ATP10A: variants seen among roughly 807,000 people sequenced by gnomAD.
The protein encoded by ATP10A is ATPase phospholipid transporting 10A (putative).
In ATP10A, 111 loss-of-function variants were observed where a neutral mutation model predicts 147.8. The ratio of observed to expected loss-of-function variants is 0.75; its 90% CI spans 0.64 to 0.88. The LOEUF (loss-of-function observed/expected upper bound fraction) is 0.88. Ranked by LOEUF, ATP10A falls within the 40% of genes least tolerant of loss-of-function variation. The pLI is 0.00. For synonymous variants in ATP10A, 875 were observed against 841.6 expected (o/e 1.04, Z -0.69); for missense variants, 1,927 against 1,959.0 (o/e 0.98, Z 0.31).
intron 1 of ATP10A, among the ~76,000 whole-genome samples, chr15:25,847,948 C>T (rs1893100210): frequency 1.3e-5 from 2 of 151,304 alleles, no homozygotes; most frequent in African/African-American, 2.4e-5. Flanking sequence ...CATTTTTTAA[C>T]GGAAATCATC....
chr15:25,742,848 T>C (rs1596800208), intron 2 of ATP10A, among the ~76,000 whole-genome samples: 1 of 152,344 alleles, frequency 6.6e-6, no homozygotes, highest in East Asian at 1.9e-4. Flanking sequence ...TGTCCCTGCA[T>C]GAAACCCGCC....
intron 1 of ATP10A, among the ~76,000 whole-genome samples, chr15:25,858,337 T>TGCATTA (rs972273510): frequency 3.3e-5 from 5 of 152,032 alleles, no homozygotes; most frequent in African/African-American, 1.2e-4. Context: ...GCTGTCTTGT[T>TGCATTA]GCATTAAGAG....
At position 25,863,187 on chromosome 15, in the gene ATP10A, G is replaced by A. The variant is rs534170745; in HGVS notation, c.-91C>T. On this transcript the variant is annotated 5_prime_UTR_variant, in exon 1 of 21. Transcript: ENST00000555815. ...TCATCACTCGCGGCCCGGGCGCGGC[G>A]GTGCGAGCTCCCCGCCTGCGGGACG... The A allele has an allele frequency of 5.5e-6, 5 of 914,182 alleles. No individual in the cohort carries two copies. The highest frequency in any genetic ancestry group is 3.6e-5 in the African/African-American group (2 of 55,964). The allele number at this position is 914,182 out of a possible 1,614,324, so 56.6% of individuals were successfully genotyped here.
At chr15:25,759,449 G>C (rs1888634091) in intron 2 of ATP10A, among the ~76,000 whole-genome samples, 1 of 152,144 alleles carries the variant, frequency 6.6e-6, no homozygotes, top group Non-Finnish European at 1.5e-5. Context: ...ACACTGATGG[G>C]AGGGAGGAGT....
intron 10 of ATP10A, among the ~76,000 whole-genome samples, chr15:25,712,328 A>C (rs1187223466): frequency 6.6e-6 from 1 of 152,190 alleles, no homozygotes; most frequent in Non-Finnish European, 1.5e-5. Context: ...AGCAAAGACA[A>C]GCCCGGCAAG....
At chr15:25,712,724 G>A (rs777834905) in intron 10 of ATP10A, among the ~76,000 whole-genome samples, 3 of 152,004 alleles carry the variant, frequency 2.0e-5, no homozygotes, top group Non-Finnish European at 4.4e-5. Context: ...ATCTCGCCCC[G>A]CGGTGGTCAT....
At chr15:25,716,563 C>A (rs762615907) in intron 9 of ATP10A, among the ~76,000 whole-genome samples, 167 bp downstream of exon 9, 8 of 152,234 alleles carry the variant, frequency 5.3e-5, no homozygotes, top group Non-Finnish European at 1.2e-4. Flanking sequence ...GAACCACAAG[C>A]ACTGTTTTGC....
chr15:25,773,817 T>TCC (rs1889465796), intron 2 of ATP10A, among the ~76,000 whole-genome samples: 1 of 105,028 alleles, frequency 9.5e-6, no homozygotes. Flanking sequence ...CACCTAAACA[T>TCC]CCACACACAC....
At chr15:25,737,860 G>A (rs1248069527) in intron 2 of ATP10A, among the ~76,000 whole-genome samples, 2 of 152,046 alleles carry the variant, frequency 1.3e-5, no homozygotes, top group African/African-American at 4.8e-5. Flanking sequence ...ACACACAGAG[G>A]GGAGATCATG....
At chr15:25,699,699 T>C (rs1000149745) in intron 13 of ATP10A, among the ~76,000 whole-genome samples, 4 of 151,914 alleles carry the variant, frequency 2.6e-5, no homozygotes, top group Non-Finnish European at 5.9e-5. Flanking sequence ...GGGCATCCCA[T>C]CTCTTAAAAA....
intron 2 of ATP10A, among the ~76,000 whole-genome samples, chr15:25,759,801 C>CA (rs147509751): frequency 0.45 from 61,491 of 137,882 alleles, 14,685 homozygotes; most frequent in Non-Finnish European, 0.57. Flanking sequence ...GACCCTGTCT[C>CA]AAAAAAAAAA....
chr15:25,695,607 C>T (rs963646786), intron 13 of ATP10A, among the ~76,000 whole-genome samples: 12 of 151,932 alleles, frequency 7.9e-5, no homozygotes, highest in East Asian at 5.8e-4. Context: ...CCAGCCTAGG[C>T]GACAGAGCGA....
At chr15:25,804,279 TGA>T (rs1014068307) in intron 1 of ATP10A, among the ~76,000 whole-genome samples, 3 of 148,952 alleles carry the variant, frequency 2.0e-5, no homozygotes, top group Admixed American at 2.0e-4. Context: ...GTTATGGATG[TGA>T]GTGTGTGGTG....
chr15:25,799,763 A>C (rs892583523), intron 1 of ATP10A, among the ~76,000 whole-genome samples: 1 of 152,110 alleles, frequency 6.6e-6, no homozygotes, highest in African/African-American at 2.4e-5. Context: ...AAATTCAACA[A>C]ACCCAAAGTA....
At chr15:25,698,998 T>C (rs973391498) in intron 13 of ATP10A, among the ~76,000 whole-genome samples, 3 of 152,134 alleles carry the variant, frequency 2.0e-5, no homozygotes, top group African/African-American at 7.2e-5. Flanking sequence ...AAGATCAACA[T>C]AATAAAAATA....
chr15:25,731,216 A>G (rs920905718), intron 3 of ATP10A, among the ~76,000 whole-genome samples: 1 of 152,242 alleles, frequency 6.6e-6, no homozygotes, highest in Admixed American at 6.5e-5. Context: ...TCTGTGGGGT[A>G]AGAATGGTCA....
At chr15:25,808,905 A>T (rs1477284806) in intron 1 of ATP10A, among the ~76,000 whole-genome samples, 4 of 152,124 alleles carry the variant, frequency 2.6e-5, no homozygotes, top group Non-Finnish European at 5.9e-5. Context: ...AGGCATTAAC[A>T]CTAGAGCAAG....
chr15:25,767,882 G>A (rs927819586), intron 2 of ATP10A, among the ~76,000 whole-genome samples: 4 of 152,244 alleles, frequency 2.6e-5, no homozygotes, highest in African/African-American at 4.8e-5. Flanking sequence ...GGACCCTTGC[G>A]GGCCCTCTGT....
At position 25,714,011 on chromosome 15, in the gene ATP10A, G is replaced by C. The variant is rs1202820999; in HGVS notation, c.2007C>G (p.Gly669=). The C allele has an allele frequency of 6.2e-7, 1 of 1,610,282 alleles. No homozygotes were observed. The highest frequency in any genetic ancestry group is 1.1e-5 in the South Asian group (1 of 91,082). The change falls in exon 10 of 21, where the codon GGC becomes GGG. Residue 669 remains glycine (G), a synonymous_variant. Transcript: ENST00000555815. ...CCCAGTTGTCCGCCTGGCTGCTGTA[G>C]CCGTTGCTGGCGATGGCCGAGGTGG... The part of the protein sequence containing the change: ...GQPTSAIASN[G]YSSQADNWAS...
Sources: gnomAD v4.1 joint callset for allele counts (sites outside exome capture counted in the v4.1 genomes callset) on GRCh38, gnomAD v4.1.1 for gene constraint, MANE v1.5 for transcripts, NCBI Gene and HGNC (gene_info 2026-07-23, HGNC 2026-07-21) for gene names.